MRTFA: variants seen among roughly 807,000 people sequenced by gnomAD.
MRTFA encodes the protein myocardin related transcription factor A.
MRTFA carries 20 observed loss-of-function variants against 83.5 expected under a neutral mutation model. That is an observed-to-expected ratio of 0.24 (90% CI 0.17 to 0.35). MRTFA has a LOEUF of 0.35. Among genes scored for constraint, MRTFA ranks in the 10% least tolerant of loss-of-function variants. MRTFA has a pLI of 1.00. For missense variants in MRTFA, 1,200 were observed against 1,224.7 expected (o/e 0.98, Z 0.30); for synonymous variants, 659 against 541.2 (o/e 1.22, Z -3.02).
At chr22:40,594,869 A>C (rs1378638522) in intron 1 of MRTFA, 134 bp from the exon 2 acceptor site, 1 of 150,558 alleles carries the variant, frequency 6.6e-6, no homozygotes, top group Non-Finnish European at 1.5e-5. Flanking sequence ...CAACAGTGTT[A>C]AGAGTTCTGT....
chr22:40,597,156 A>ACCTAGCAGTG (rs1169733132), intron 1 of MRTFA, among the ~76,000 whole-genome samples: 1 of 152,210 alleles, frequency 6.6e-6, no homozygotes, highest in African/African-American at 2.4e-5. Context: ...ATCTCGCAAG[A>ACCTAGCAGTG]CCTAGCAGTG....
At chr22:40,531,285 T>A (rs36114860) in intron 3 of MRTFA, among the ~76,000 whole-genome samples, 22 of 144,336 alleles carry the variant, frequency 1.5e-4, no homozygotes, top group South Asian at 4.4e-4. Flanking sequence ...TTTTTTTTTT[T>A]AATTTTTTGT....
At chr22:40,480,528 TCAGTGAATAGTATGGAA>T (rs1208431151) in intron 3 of MRTFA, among the ~76,000 whole-genome samples, 1 of 152,084 alleles carries the variant, frequency 6.6e-6, no homozygotes, top group African/African-American at 2.4e-5. Context: ...CCAGGTGATT[TCAGTGAATAGTATGGAA>T]CATGTAGAGT....
At chr22:40,568,061 G>A (rs889026867) in intron 2 of MRTFA, among the ~76,000 whole-genome samples, 1 of 152,148 alleles carries the variant, frequency 6.6e-6, no homozygotes, top group African/African-American at 2.4e-5. Flanking sequence ...ACACTCAGAG[G>A]AAAGTGTATA....
intron 3 of MRTFA, among the ~76,000 whole-genome samples, chr22:40,491,315 C>A (rs558333697): frequency 3.0e-4 from 45 of 152,004 alleles, no homozygotes; most frequent in Non-Finnish European, 1.8e-4. Context: ...GTACTCCAGC[C>A]TGGGCCACAG....
rs761582148 is a variant in MRTFA, at chr22:40,418,967, C to A, written c.1771G>T (p.Ala591Ser). 2 of 1,612,884 alleles carry A rather than the reference C, an allele frequency of 1.2e-6. No individual in the cohort carries two copies. The highest frequency in any genetic ancestry group is 2.2e-5 in the South Asian group (2 of 91,086). The change falls in exon 12 of 15, where the codon GCC becomes TCC. Residue 591 changes from alanine (A) to serine (S), a missense_variant. This residue lies in a region of MRTFA where 1,107 missense variants were observed against 1,041.8 expected (regional missense o/e 1.06). Transcript: ENST00000355630. ...TTCACGAGGATCTGCAGTGGCGAGG[C>A]CTGCAGGGTCAGCTGCGTCAGAGGT...
At chr22:40,594,374 G>A (rs1033520276) in intron 2 of MRTFA, among the ~76,000 whole-genome samples, 19 of 152,144 alleles carry the variant, frequency 1.2e-4, no homozygotes, top group African/African-American at 4.6e-4. Context: ...GGATTAAAGA[G>A]GTAGGGGTAT....
chr22:40,508,751 C>T (rs1487248372), intron 3 of MRTFA, among the ~76,000 whole-genome samples: 1 of 149,946 alleles, frequency 6.7e-6, no homozygotes, highest in African/African-American at 2.5e-5. Flanking sequence ...GGCATGGTGG[C>T]TCACACCTGT....
chr22:40,587,254 A>G, intron 2 of MRTFA: 1 of 488,104 alleles, frequency 2.0e-6, no homozygotes, highest in Non-Finnish European at 4.1e-6. Flanking sequence ...AAGCACTTTC[A>G]GTCCAAATGC....
chr22:40,447,135 C>T (rs547585690), intron 4 of MRTFA, among the ~76,000 whole-genome samples: 1 of 151,700 alleles, frequency 6.6e-6, no homozygotes, highest in African/African-American at 2.4e-5. Flanking sequence ...GCAAGCAGAT[C>T]GCTTGAGGTC....
At chr22:40,535,227 T>C (rs9623181) in intron 3 of MRTFA, among the ~76,000 whole-genome samples, 1,740 of 152,200 alleles carry the variant, frequency 0.011, 28 homozygotes, top group African/African-American at 0.04. Context: ...ACTTTGAGTC[T>C]ACATGACAGT....
chr22:40,551,447 C>A (rs369096352), intron 3 of MRTFA, among the ~76,000 whole-genome samples: 1 of 152,192 alleles, frequency 6.6e-6, no homozygotes, highest in East Asian at 1.9e-4. Context: ...CGGTTCACTG[C>A]AACCTCCGCC....
At chr22:40,438,489 A>G (rs564615341) in intron 4 of MRTFA, among the ~76,000 whole-genome samples, 1 of 152,304 alleles carries the variant, frequency 6.6e-6, no homozygotes, top group East Asian at 1.9e-4. Flanking sequence ...AGAACAATTC[A>G]CCAGAACATC....
At chr22:40,579,334 T>C (rs2055912988) in intron 2 of MRTFA, among the ~76,000 whole-genome samples, 1 of 152,186 alleles carries the variant, frequency 6.6e-6, no homozygotes, top group Non-Finnish European at 1.5e-5. Flanking sequence ...AAGAAGCTTG[T>C]CAAAAGCATA....
chr22:40,450,928 C>CGT (rs2053475223), intron 4 of MRTFA, among the ~76,000 whole-genome samples: 1 of 152,114 alleles, frequency 6.6e-6, no homozygotes, highest in African/African-American at 2.4e-5. Flanking sequence ...TTTCAGTGCC[C>CGT]GTGTAACCTA....
chr22:40,431,600 C>A (rs1205270497), intron 5 of MRTFA, 120 bp from the exon 6 acceptor site: 1 of 909,588 alleles, frequency 1.1e-6, no homozygotes, highest in Non-Finnish European at 1.8e-6. Context: ...TTCCCACAAC[C>A]TTAACTTGGT....
intron 3 of MRTFA, among the ~76,000 whole-genome samples, chr22:40,469,906 C>T (rs919324717): frequency 6.6e-6 from 1 of 151,884 alleles, no homozygotes; most frequent in African/African-American, 2.4e-5. Flanking sequence ...AGCAAGACCC[C>T]CATCTCTATA....
intron 3 of MRTFA, among the ~76,000 whole-genome samples, chr22:40,466,212 G>T (rs1485967356): frequency 1.3e-5 from 2 of 152,172 alleles, no homozygotes; most frequent in Non-Finnish European, 2.9e-5. Context: ...TATAACCATA[G>T]ATCAGCAACA....
intron 14 of MRTFA, chr22:40,412,989 T>G (rs763164941): frequency 6.6e-6 from 1 of 151,374 alleles, no homozygotes; most frequent in African/African-American, 2.4e-5. Flanking sequence ...ATACAAAAAT[T>G]AGCCGGGCAC....
Sources: gnomAD v4.1 joint callset for allele counts (sites outside exome capture counted in the v4.1 genomes callset) on GRCh38, gnomAD v4.1.1 for gene constraint, gnomAD v4.1.1 regional missense constraint, MANE v1.5 for transcripts, NCBI Gene and HGNC (gene_info 2026-07-23, HGNC 2026-07-21) for gene names.